Variants in DGKH observed in about 807,000 individuals in gnomAD.
DGKH encodes DAG kinase eta.
Under a neutral mutation model 159.3 loss-of-function variants are expected in DGKH, and 90 were observed. That is an observed-to-expected ratio of 0.57 (90% CI 0.48 to 0.67). DGKH has a LOEUF of 0.67. Among genes scored for constraint, DGKH ranks in the 30% least tolerant of loss-of-function variants. The pLI is 0.00. For synonymous variants in DGKH, 536 were observed against 553.8 expected, an observed-to-expected ratio of 0.97 and a Z score of 0.45; for missense variants, 1,181 against 1,506.1, an observed-to-expected ratio of 0.78 and a Z score of 3.57.
chr13:42,219,409 C>A, intron 27 of DGKH, 60 bp downstream of exon 27: 7 of 1,572,482 alleles, frequency 4.5e-6, no homozygotes, highest in Non-Finnish European at 6.0e-6. Flanking sequence ...AGAATTTGAA[C>A]TCATCTTTGA....
intron 1 of DGKH, among the ~76,000 whole-genome samples, chr13:42,073,150 C>T (rs1168335333): frequency 6.6e-6 from 1 of 152,176 alleles, no homozygotes; most frequent in Non-Finnish European, 1.5e-5. Flanking sequence ...TAATGTTCAT[C>T]CTTCTCTTTG....
At chr13:42,247,708 C>T (rs1310323319), downstream of DGKH, among the ~76,000 whole-genome samples, 1 of 152,124 alleles carries the variant, frequency 6.6e-6, no homozygotes, top group Non-Finnish European at 1.5e-5. Flanking sequence ...AGGTGGAAGA[C>T]AGTGATACTG....
chr13:42,252,669 A>G (rs1389465476), intron 30 of DGKH, among the ~76,000 whole-genome samples: 1 of 152,172 alleles, frequency 6.6e-6, no homozygotes, highest in African/African-American at 2.4e-5. Flanking sequence ...CTGCAATTGC[A>G]CGCTAATTCT....
intron 29 of DGKH, among the ~76,000 whole-genome samples, chr13:42,225,772 C>CAAAAA (rs66933711): frequency 8.3e-6 from 1 of 120,420 alleles, no homozygotes; most frequent in Non-Finnish European, 1.8e-5. Flanking sequence ...GACTCTGTCT[C>CAAAAA]AAAAAAAAAA....
upstream of DGKH, among the ~76,000 whole-genome samples, chr13:42,048,260 A>T (rs1880940384): frequency 6.7e-6 from 1 of 149,928 alleles, no homozygotes; most frequent in Non-Finnish European, 1.5e-5. The surrounding 1 kb of genome is among the most constrained non-coding windows in gnomAD (Gnocchi z 6.7). Flanking sequence ...GGTGCACCCA[A>T]GGGTGCTGGG....
intron 1 of DGKH, among the ~76,000 whole-genome samples, chr13:42,106,697 A>G (rs961304683): frequency 6.6e-6 from 1 of 152,186 alleles, no homozygotes; most frequent in Non-Finnish European, 1.5e-5. Context: ...TTTATGATTT[A>G]CCTTCTCCTC....
At chr13:42,050,647 A>G (rs1033960453) in intron 1 of DGKH, among the ~76,000 whole-genome samples, 3 of 152,264 alleles carry the variant, frequency 2.0e-5, no homozygotes, top group African/African-American at 7.2e-5. Context: ...AATTCTGAAA[A>G]AAGTTCATAA....
chr13:42,105,523 A>C (rs931060391), intron 1 of DGKH, among the ~76,000 whole-genome samples: 3 of 152,138 alleles, frequency 2.0e-5, no homozygotes, highest in African/African-American at 7.2e-5. Context: ...TTTGGAGATG[A>C]GTAGTGAATT....
At chr13:42,225,152 G>T in intron 29 of DGKH, 1 of 736,352 alleles carries the variant, frequency 1.4e-6, no homozygotes, top group Non-Finnish European at 2.2e-6. Flanking sequence ...TGAACTCCTG[G>T]CCTCAAGAGA....
intron 1 of DGKH, among the ~76,000 whole-genome samples, chr13:42,111,577 C>CA (rs976001748): frequency 5.4e-5 from 8 of 149,326 alleles, no homozygotes; most frequent in East Asian, 3.9e-4. Flanking sequence ...GACTCCATCT[C>CA]AAAAAAAAAT....
chr13:42,100,436 C>A (rs1954631883), intron 1 of DGKH, among the ~76,000 whole-genome samples: 1 of 152,026 alleles, frequency 6.6e-6, no homozygotes, highest in African/African-American at 2.4e-5. Context: ...CTTGAGTCAT[C>A]CTGAAACCAC....
chr13:42,219,736 A>G lies in DGKH; in HGVS notation c.3384A>G (p.Arg1128=), dbSNP rs753532093. 6.2e-7 allele frequency: 1 copy of G among 1,613,858 alleles called. No homozygotes were observed. ...GGAACAACAGAAGCACCGTATTTCG[A>G]ATAGTGCCAAAGTTTAAAAAGGAAA... ...TKRNNRSTVF[R]IVPKFKKEKV... is the part of the protein sequence containing the mutation. Residue 1128 remains arginine, a synonymous_variant, in exon 28 of 30, where the codon CGA becomes CGG. Coordinates refer to ENST00000337343, the MANE Select transcript of DGKH (RefSeq NM_178009.5).
At chr13:42,225,413 T>C in intron 29 of DGKH, 3 of 1,231,636 alleles carry the variant, frequency 2.4e-6, no homozygotes, top group Non-Finnish European at 3.3e-6. Flanking sequence ...GAAGGATAAC[T>C]GAATATCTAC....
intron 1 of DGKH, among the ~76,000 whole-genome samples, chr13:42,084,943 TATAA>T (rs1391238103): frequency 6.6e-6 from 1 of 152,072 alleles, no homozygotes; most frequent in African/African-American, 2.4e-5. Context: ...AAATTAATCC[TATAA>T]ATAGATATGT....
chr13:42,219,754 A>G lies in DGKH; in HGVS notation c.3402A>G (p.Lys1134=), dbSNP rs751788648. 3.9e-5 allele frequency: 63 copies of G among 1,613,712 alleles called. No individual in the cohort carries two copies. Among genetic ancestry groups the G allele is most frequent in the Admixed American group, 5.0e-5 (3 of 59,990 alleles). The change falls in exon 28 of 30, where the codon AAA becomes AAG. Residue 1134 remains lysine, a synonymous_variant. Coordinates refer to ENST00000337343, the MANE Select transcript of DGKH (RefSeq NM_178009.5). ...TATTTCGAATAGTGCCAAAGTTTAA[A>G]AAGGAAAAGGTTCAGAAGCAGAAGA... is the stretch of plus-strand genomic sequence containing the variant. The part of the protein sequence containing the change: ...STVFRIVPKF[K]KEKVQKQKTS...
downstream of DGKH, among the ~76,000 whole-genome samples, chr13:42,246,666 A>G (rs1408887515): frequency 1.3e-5 from 2 of 152,092 alleles, no homozygotes; most frequent in African/African-American, 4.8e-5. Context: ...CTTATCGAAT[A>G]AAAGGCAGCA....
intron 13 of DGKH, among the ~76,000 whole-genome samples, chr13:42,182,757 C>T (rs867058598): frequency 1.3e-5 from 2 of 152,156 alleles, no homozygotes; most frequent in East Asian, 3.9e-4. Flanking sequence ...CTTGTGTGCA[C>T]GTGTGCATGT....
intron 21 of DGKH, among the ~76,000 whole-genome samples, chr13:42,207,027 T>TTTCTTTC (rs1566191787): frequency 2.1e-4 from 19 of 92,300 alleles, no homozygotes; most frequent in African/African-American, 8.1e-4. Context: ...TTCTTTCTTT[T>TTTCTTTC]TCTTTCTTTC....
intron 5 of DGKH, among the ~76,000 whole-genome samples, chr13:42,157,109 A>C (rs1336064009): frequency 6.6e-6 from 1 of 152,218 alleles, no homozygotes; most frequent in Non-Finnish European, 1.5e-5. Flanking sequence ...ATGCATTAAA[A>C]TTCATGAAGG....
Sources: gnomAD v4.1 joint callset for allele counts (sites outside exome capture counted in the v4.1 genomes callset) on GRCh38, gnomAD v4.1.1 for gene constraint, Gnocchi (gnomAD v3.1) non-coding constraint, MANE v1.5 for transcripts, NCBI Gene and HGNC (gene_info 2026-07-23, HGNC 2026-07-21) for gene names.